The following BAZ2B variants were observed in gnomAD, a reference collection of about 807,000 sequenced individuals.
The protein encoded by BAZ2B is bromodomain adjacent to zinc finger domain protein 2B.
In BAZ2B, 91 loss-of-function variants were observed where a neutral mutation model predicts 246.0. That is an observed-to-expected ratio of 0.37 (90% CI 0.31 to 0.44). BAZ2B has a LOEUF of 0.44. Among genes scored for constraint, BAZ2B ranks in the 20% least tolerant of loss-of-function variants. BAZ2B has a pLI of 1.00. For missense variants in BAZ2B, 2,332 were observed against 2,533.7 expected (o/e 0.92, Z 1.71); for synonymous variants, 855 against 860.0 (o/e 0.99, Z 0.10).
the BAZ2B span, among the ~76,000 whole-genome samples, chr2:159,670,400 C>T: frequency 1.3e-5 from 2 of 152,146 alleles, no homozygotes; most frequent in Non-Finnish European, 2.9e-5. Flanking sequence ...CAATATACAT[C>T]TCTGATCTTT....
chr2:159,334,121 TA>T (rs1281736508), intron 33 of BAZ2B, among the ~76,000 whole-genome samples: 8 of 152,094 alleles, frequency 5.3e-5, no homozygotes, highest in African/African-American at 7.2e-5. Context: ...TGAACATAAG[TA>T]AATACTCATT....
At chr2:159,468,698 A>T (rs898375468) in intron 3 of BAZ2B, among the ~76,000 whole-genome samples, 2 of 152,176 alleles carry the variant, frequency 1.3e-5, no homozygotes, top group African/African-American at 4.8e-5. Flanking sequence ...CATTAAATAC[A>T]TATATAAGAA....
chr2:159,372,971 T>C lies in BAZ2B; in HGVS notation c.4213+74A>G. On this transcript the variant is annotated intron_variant, in intron 27 of 36. Transcript: ENST00000392783. ...ACATTGATTATGGGAACACAAAATATATTGAAGAAGTAACAGAGTTTTAAA... is the reference window on the plus strand; with the variant it reads ...ACATTGATTATGGGAACACAAAATACATTGAAGAAGTAACAGAGTTTTAAA... The C allele has an allele frequency of 3.4e-6, 5 of 1,455,634 alleles. No individual in the cohort carries two copies. The South Asian group carries it at 5.5e-5, about 16-fold the overall frequency. The allele number at this position is 1,455,634 out of a possible 1,614,324, so 90.2% of individuals were successfully genotyped here.
intron 33 of BAZ2B, among the ~76,000 whole-genome samples, chr2:159,334,677 A>G (rs1489996973): frequency 1.3e-5 from 2 of 152,230 alleles, no homozygotes; most frequent in South Asian, 4.1e-4. Context: ...TATATGATTA[A>G]TAAGAGTAGA....
At chr2:159,690,091 A>T in the BAZ2B span, 1 of 537,974 alleles carries the variant, frequency 1.9e-6, no homozygotes, top group Middle Eastern at 5.9e-4. Flanking sequence ...ATGCAACTTC[A>T]TCATTCTGCA....
intron 2 of BAZ2B, among the ~76,000 whole-genome samples, chr2:159,548,663 G>A (rs1197876336): frequency 6.6e-6 from 1 of 152,132 alleles, no homozygotes; most frequent in Non-Finnish European, 1.5e-5. Context: ...GTCAAGTACA[G>A]TGGCTCACAC....
chr2:159,468,851 T>A (rs2077410011), intron 3 of BAZ2B, among the ~76,000 whole-genome samples: 1 of 152,026 alleles, frequency 6.6e-6, no homozygotes, highest in South Asian at 2.1e-4. Flanking sequence ...AAGACCAGCA[T>A]GGCCAACACA....
chr2:159,704,221 GTAT>G, the BAZ2B span, among the ~76,000 whole-genome samples: 1 of 152,212 alleles, frequency 6.6e-6, no homozygotes, highest in South Asian at 2.1e-4. Context: ...AGCTTTTAAA[GTAT>G]TATTATGATA....
chr2:159,615,232 CT>C (rs1695649501), intron 1 of BAZ2B: 1 of 120,172 alleles, frequency 8.3e-6, no homozygotes, highest in Admixed American at 1.2e-4. Context: ...AATCCCAATT[CT>C]GGGGTTCGTG....
At position 159,349,965 on chromosome 2, in the gene BAZ2B, G is replaced by C; in HGVS notation, c.4606C>G (p.Pro1536Ala). The change falls in exon 28 of 37, where the codon CCA becomes GCA. Residue 1536 changes from proline (P) to alanine (A), a missense_variant. Around this residue, in one of 9 missense-constraint regions of BAZ2B, gnomAD observed 676 missense variants for 668.6 expected, o/e 1.01. Coordinates refer to ENST00000392783, the MANE Select transcript of BAZ2B (RefSeq NM_013450.4). ...GGGAGAGGACTGTAGAACTTCCCTG[G>C]ACCACTTGAACCAGTATTAAACAGA... is the stretch of plus-strand genomic sequence containing the variant. Reference protein sequence around the residue: ...NNLFNTGSSGPGKFYSPLPND... With the variant: ...NNLFNTGSSGAGKFYSPLPND... 6.2e-7 allele frequency: 1 copy of C among 1,614,126 alleles called. No homozygotes were observed. Among genetic ancestry groups the C allele is most frequent in the Non-Finnish European group, 8.5e-7 (1 of 1,180,012 alleles).
At chr2:159,580,020 G>A (rs1686349886) in intron 1 of BAZ2B, among the ~76,000 whole-genome samples, 1 of 152,200 alleles carries the variant, frequency 6.6e-6, no homozygotes, top group African/African-American at 2.4e-5. Flanking sequence ...AGGCAGGGAT[G>A]CCCTCTCTCA....
At chr2:159,411,057 T>C (rs958241197) in intron 14 of BAZ2B, among the ~76,000 whole-genome samples, 3 of 152,212 alleles carry the variant, frequency 2.0e-5, no homozygotes, top group Non-Finnish European at 4.4e-5. Flanking sequence ...GGTCTCACTC[T>C]GTCAGCCAGG....
intron 14 of BAZ2B, among the ~76,000 whole-genome samples, chr2:159,409,408 C>T (rs1490120773): frequency 6.6e-6 from 1 of 152,162 alleles, no homozygotes; most frequent in Non-Finnish European, 1.5e-5. Flanking sequence ...TAGTATCAGT[C>T]AATCAACAAG....
intron 21 of BAZ2B, 127 bp from the exon 22 acceptor site, chr2:159,386,734 CT>C: frequency 9.2e-7 from 1 of 1,088,236 alleles, no homozygotes; most frequent in Admixed American, 3.0e-5. Flanking sequence ...CAGTAGCTTC[CT>C]TTGGGATGCT....
the BAZ2B span, among the ~76,000 whole-genome samples, chr2:159,674,346 AAAAAG>A: frequency 6.6e-6 from 1 of 151,344 alleles, no homozygotes; most frequent in Admixed American, 6.6e-5. Context: ...GAAAAAAAAA[AAAAAG>A]AAAGAAAGAA....
the BAZ2B span, among the ~76,000 whole-genome samples, chr2:159,672,798 T>C: frequency 2.2e-4 from 33 of 152,224 alleles, no homozygotes; most frequent in African/African-American, 3.4e-4. Flanking sequence ...TTGAGATAAC[T>C]AGATAGCTAT....
intron 34 of BAZ2B, among the ~76,000 whole-genome samples, chr2:159,328,631 CCT>C (rs1046671463): frequency 2.0e-5 from 3 of 152,132 alleles, no homozygotes; most frequent in Non-Finnish European, 4.4e-5. Flanking sequence ...CCATGACTCC[CCT>C]GTTTGCCACA....
intron 3 of BAZ2B, among the ~76,000 whole-genome samples, chr2:159,469,793 C>T (rs995535082): frequency 1.3e-5 from 2 of 152,088 alleles, no homozygotes; most frequent in Admixed American, 1.3e-4. Flanking sequence ...ACAACAACAA[C>T]AACAACTTAA....
chr2:159,371,983 A>T (rs1192708584), intron 27 of BAZ2B, among the ~76,000 whole-genome samples: 1 of 152,242 alleles, frequency 6.6e-6, no homozygotes, highest in Non-Finnish European at 1.5e-5. Flanking sequence ...TAGATCAATC[A>T]GAACAATTCA....
Sources: allele counts gnomAD v4.1 joint callset (sites outside exome capture counted in the v4.1 genomes callset), GRCh38; gene constraint gnomAD v4.1.1; regional missense constraint gnomAD v4.1.1; transcripts MANE v1.5; gene names NCBI Gene and HGNC (gene_info 2026-07-23, HGNC 2026-07-21).